The following RPAP3 variants were observed in gnomAD, a reference collection of about 807,000 sequenced individuals.
RPAP3 encodes the protein RNA polymerase II associated protein 3.
Under a neutral mutation model 88.8 loss-of-function variants are expected in RPAP3, and 58 were observed. The ratio of observed to expected loss-of-function variants is 0.65; its 90% CI spans 0.53 to 0.81. The LOEUF (loss-of-function observed/expected upper bound fraction) is 0.81. Among genes scored for constraint, RPAP3 ranks in the 40% least tolerant of loss-of-function variants. The pLI is 0.00. For synonymous variants in RPAP3, 255 were observed against 259.9 expected (o/e 0.98, Z 0.18); for missense variants, 751 against 764.3 (o/e 0.98, Z 0.20).
intron 7 of RPAP3, among the ~76,000 whole-genome samples, chr12:47,688,662 C>G (rs1939371578): frequency 6.6e-6 from 1 of 152,138 alleles, no homozygotes; most frequent in Non-Finnish European, 1.5e-5. Context: ...TCAATATTCA[C>G]AGTCATTATT....
rs752794767 is a variant in RPAP3 at position 47,670,112 on chromosome 12, G to A, written c.1521C>T (p.Ser507=). 20 of 1,566,822 alleles carry A rather than the reference G, an allele frequency of 1.3e-5. No homozygotes were observed. Among genetic ancestry groups the A allele is most frequent in the Non-Finnish European group, 1.6e-5 (18 of 1,137,324 alleles). The part of the protein sequence containing the change: ...LKIEEVSDTS[S]LQPQASLKQD... The stretch of plus-strand genomic sequence containing the variant: ...ATAACAGTATTTCTACTCACTGCAG[G>A]GATGAAGTATCACTGACTTCTTCTA... The change falls in exon 13 of 17, where the codon TCC becomes TCT. Residue 507 remains serine (S), a synonymous_variant. Transcript: ENST00000005386.
intron 10 of RPAP3, 132 bp downstream of exon 10, chr12:47,681,564 C>A: frequency 2.2e-6 from 2 of 916,138 alleles, no homozygotes; most frequent in South Asian, 3.5e-5. Flanking sequence ...TATTCGTGAT[C>A]TAAACTGTGG....
At chr12:47,666,391 G>A (rs1043590064) in intron 16 of RPAP3, among the ~76,000 whole-genome samples, 4 of 152,116 alleles carry the variant, frequency 2.6e-5, no homozygotes, top group Non-Finnish European at 5.9e-5. Flanking sequence ...TCCTGCCTCA[G>A]AACCACTACA....
At position 47,662,982 on chromosome 12, in the gene RPAP3, T is replaced by C. The variant is rs983928562; in HGVS notation, c.*523A>G. On this transcript the variant is annotated 3_prime_UTR_variant, in exon 17 of 17. Transcript: ENST00000005386. ...CTTCAATTAACCTAGTTTGAAAGTC[T>C]AGTTAAAAGTCTTCTTTCTTTCAAC... The C allele has an allele frequency of 1.1e-4, 16 of 152,306 alleles. No homozygotes were observed. Among genetic ancestry groups the C allele is most frequent in the African/African-American group, 3.9e-4 (16 of 41,468 alleles). 9.4% of individuals were successfully genotyped at this position (152,306 alleles called of 1,614,324 possible).
rs768462711 is a variant in RPAP3, at chr12:47,679,781, C to A, written c.1115-7G>T. 1.1e-5 allele frequency: 17 copies of A among 1,590,492 alleles called. No individual in the cohort carries two copies. The highest frequency in any genetic ancestry group is 6.8e-5 in the Admixed American group (4 of 58,980). ...AGTAAAACAGTTTCAAAATCTAAAGCGAATTTTTTAAAAACATTACAACAT... is the reference window on the plus strand; with the variant it reads ...AGTAAAACAGTTTCAAAATCTAAAGAGAATTTTTTAAAAACATTACAACAT... On this transcript the variant is annotated splice_region_variant and splice_polypyrimidine_tract_variant and intron_variant, in intron 10 of 16. Transcript: ENST00000005386.
At position 47,667,216 on chromosome 12, in the gene RPAP3, G is replaced by A. The variant is rs1250563929; in HGVS notation, c.1812-136C>T. The A allele has an allele frequency of 1.1e-5, 4 of 372,324 alleles. No homozygotes were observed. The South Asian group carries it at 2.4e-4, about 22-fold the overall frequency. 23.1% of individuals were successfully genotyped at this position (372,324 alleles called of 1,614,324 possible). On this transcript the variant is annotated intron_variant, in intron 15 of 16. Transcript: ENST00000005386. Reference sequence around the variant, plus strand: ...TCCCCTGGATACCTGTATTTTAAATGCCCAAATGAAGAGATTTATCAAGTC... The same window carrying A: ...TCCCCTGGATACCTGTATTTTAAATACCCAAATGAAGAGATTTATCAAGTC...
intron 8 of RPAP3, 107 bp downstream of exon 8, chr12:47,687,769 C>G: frequency 7.5e-7 from 1 of 1,327,798 alleles, no homozygotes; most frequent in Non-Finnish European, 1.0e-6. Context: ...AATTCCTACT[C>G]AAGCAAAACT....
At position 47,663,589 on chromosome 12, in the gene RPAP3, A is replaced by T; in HGVS notation, c.1914T>A (p.Ile638=). ...VMFMSETEKK[I]ARALFNHIDK... is the part of the protein sequence containing the mutation. The stretch of plus-strand genomic sequence containing the variant: ...CTATGTGATTAAATAATGCACGTGC[A>T]ACTGAAAAAGAAAAAGAAATTCTCC... The change falls in exon 17 of 17, where the codon ATT becomes ATA. Residue 638 remains isoleucine, a splice_region_variant and synonymous_variant. Transcript: ENST00000005386. 2 of 1,528,008 alleles carry T rather than the reference A, an allele frequency of 1.3e-6. No individual in the cohort carries two copies. The highest frequency in any genetic ancestry group is 1.8e-6 in the Non-Finnish European group (2 of 1,133,804). 94.7% of individuals were successfully genotyped at this position (1,528,008 alleles called of 1,614,324 possible).
At chr12:47,695,051 A>T (rs1266264204) in intron 5 of RPAP3, among the ~76,000 whole-genome samples, 1 of 152,158 alleles carries the variant, frequency 6.6e-6, no homozygotes, top group Non-Finnish European at 1.5e-5. Context: ...AAATGTTCAT[A>T]GCATTGCTGA....
chr12:47,699,251 TA>T (rs1290094474), intron 3 of RPAP3: 4 of 152,192 alleles, frequency 2.6e-5, no homozygotes, highest in Non-Finnish European at 5.9e-5. Flanking sequence ...GTTGAATGAG[TA>T]AATGCCAGTG....
intron 12 of RPAP3, among the ~76,000 whole-genome samples, chr12:47,675,052 GCAGAAACCCTACAAGC>G (rs1308979382): frequency 6.6e-6 from 1 of 152,204 alleles, no homozygotes; most frequent in Non-Finnish European, 1.5e-5. Context: ...AGATCTCTCA[GCAGAAACCCTACAAGC>G]CAGAAGACAG....
chr12:47,681,639 T>G, intron 10 of RPAP3, 57 bp downstream of exon 10: 1 of 1,564,936 alleles, frequency 6.4e-7, no homozygotes, highest in South Asian at 1.2e-5. Context: ...GAATCTCTGC[T>G]TCTTTAACTT....
intron 15 of RPAP3, among the ~76,000 whole-genome samples, chr12:47,667,300 G>GAA (rs1938896100): frequency 6.6e-6 from 1 of 152,256 alleles, no homozygotes; most frequent in Admixed American, 6.5e-5. Context: ...ATTATTCTGT[G>GAA]AAAACACTGG....
At chr12:47,688,580 G>A (rs1421424969) in intron 7 of RPAP3, among the ~76,000 whole-genome samples, 1 of 152,024 alleles carries the variant, frequency 6.6e-6, no homozygotes, top group Non-Finnish European at 1.5e-5. Flanking sequence ...TTCTATACGG[G>A]CCAGACACTG....
Position 47,703,901 on chromosome 12 carries a change from C to T in RPAP3, c.-6-1055G>A, listed in dbSNP as rs140969856. Among the ~76,000 whole-genome samples, 48 of 152,258 alleles carry T rather than the reference C, an allele frequency of 3.2e-4. No individual in the cohort carries two copies. The East Asian group carries it at 7.5e-3, about 24-fold the overall frequency. On this transcript the variant is annotated intron_variant, in intron 1 of 16. Transcript: ENST00000005386. The stretch of plus-strand genomic sequence containing the variant: ...CTCAAACAGTGGCCTAGATTTCTGG[C>T]TTGGGACCCCGGTAAGATTACTGAT...
chr12:47,668,246 T>C (rs1040817300), intron 14 of RPAP3, among the ~76,000 whole-genome samples: 5 of 152,120 alleles, frequency 3.3e-5, no homozygotes, highest in African/African-American at 9.7e-5. Flanking sequence ...TGAATAATAA[T>C]GGAGTCACAT....
At chr12:47,673,489 T>C (rs1014756645) in intron 12 of RPAP3, among the ~76,000 whole-genome samples, 1 of 140,518 alleles carries the variant, frequency 7.1e-6, no homozygotes, top group Non-Finnish European at 1.6e-5. Context: ...TCATATTAAA[T>C]GCACTGGAAA....
At chr12:47,702,885 G>A (rs1939684463) in intron 1 of RPAP3, 39 bp from the exon 2 acceptor site, 1 of 1,504,402 alleles carries the variant, frequency 6.6e-7, no homozygotes, top group African/African-American at 1.4e-5. Flanking sequence ...ATAAGAATAG[G>A]CCTATTTGGT....
chr12:47,672,411 ATTTG>A (rs1939017966), intron 12 of RPAP3, among the ~76,000 whole-genome samples: 1 of 152,206 alleles, frequency 6.6e-6, no homozygotes, highest in Non-Finnish European at 1.5e-5. Context: ...GGAAACTAAA[ATTTG>A]TTTCACCTGA....
Sources: allele counts gnomAD v4.1 joint callset (sites outside exome capture counted in the v4.1 genomes callset), GRCh38; gene constraint gnomAD v4.1.1; transcripts MANE v1.5; gene names NCBI Gene and HGNC (gene_info 2026-07-23, HGNC 2026-07-21).